Variants in XPR1 observed in about 807,000 individuals in gnomAD.
The protein encoded by XPR1 is xenotropic and polytropic retrovirus receptor 1, also known as solute carrier family 53 member 1.
XPR1 carries 28 observed loss-of-function variants against 87.5 expected under a neutral mutation model. The observed-to-expected ratio is 0.32, with a 90% CI of 0.24 to 0.44. The LOEUF is 0.44. XPR1 is among the 20% of genes least tolerant of loss of function. The probability of loss-of-function intolerance (pLI) is 1.00; values close to 1 mark genes in which losing one functional copy is unlikely to be tolerated. For synonymous variants in XPR1, 300 were observed against 306.1 expected, an observed-to-expected ratio of 0.98 and a Z score of 0.21; for missense variants, 559 against 862.3, an observed-to-expected ratio of 0.65 and a Z score of 4.41.
rs568754668 is a variant in XPR1 at position 180,885,928 on chromosome 1, T to G, written c.*1862T>G. 74 of 152,354 alleles carry G rather than the reference T, an allele frequency of 4.9e-4. No individual in the cohort carries two copies. Among genetic ancestry groups the G allele is most frequent in the Admixed American group, 1.2e-3 (18 of 15,300 alleles). 9.4% of individuals were successfully genotyped at this position (152,354 alleles called of 1,614,324 possible). ...CTTTTTAAAGTAGTTTCTTCCATCT[T>G]TATTCTGACTAGCTTCCAAAATGTG... On this transcript the variant is annotated 3_prime_UTR_variant, in exon 15 of 15. Transcript: ENST00000367590.
Position 180,817,757 on chromosome 1 carries a change from G to A in XPR1, c.763+6269G>A, listed in dbSNP as rs531488257. Among the ~76,000 whole-genome samples the A allele has an allele frequency of 2.0e-4, 31 of 152,180 alleles. No individual in the cohort carries two copies. In the South Asian group the frequency reaches 2.3e-3, roughly 11 times the overall value. On this transcript the variant is annotated intron_variant, in intron 7 of 14. Coordinates refer to ENST00000367590, the MANE Select transcript of XPR1 (RefSeq NM_004736.4). The stretch of plus-strand genomic sequence containing the variant: ...CATTTACATGGAGTTCAAAAAACAG[G>A]CAAAAATCAGGAGTTTACCCTTGGG...
intron 2 of XPR1, among the ~76,000 whole-genome samples, chr1:180,714,349 TTCTCTCTCTC>T (rs71121047): frequency 0.038 from 2,766 of 72,096 alleles, 65 homozygotes; most frequent in Middle Eastern, 0.092. Context: ...TTTTTCCCTG[TTCTCTCTCTC>T]TCTCTCTCTC....
At chr1:180,858,249 A>AC (rs1652100740) in intron 11 of XPR1, among the ~76,000 whole-genome samples, 1 of 152,138 alleles carries the variant, frequency 6.6e-6, no homozygotes, top group South Asian at 2.1e-4. Context: ...TAGCAAAATT[A>AC]AAGTCTTACT....
At chr1:180,747,580 TTAGA>T (rs1647307086) in intron 2 of XPR1, among the ~76,000 whole-genome samples, 1 of 152,200 alleles carries the variant, frequency 6.6e-6, no homozygotes, top group Non-Finnish European at 1.5e-5. Flanking sequence ...TGATTGGAAT[TTAGA>T]TAGTGAAGAT....
intron 2 of XPR1, among the ~76,000 whole-genome samples, chr1:180,727,674 C>G (rs1186120882): frequency 6.6e-6 from 1 of 152,074 alleles, no homozygotes; most frequent in Admixed American, 6.6e-5. Context: ...CAACAAAAAA[C>G]GAAAGAAAGT....
intron 1 of XPR1, among the ~76,000 whole-genome samples, chr1:180,660,417 G>T (rs1246135954): frequency 6.6e-6 from 1 of 151,660 alleles, no homozygotes; most frequent in East Asian, 1.9e-4. Context: ...TCTTGCTTTT[G>T]TAGTTCTTTA....
chr1:180,704,158 A>AAGAG (rs1657461276), intron 2 of XPR1, among the ~76,000 whole-genome samples: 1 of 146,756 alleles, frequency 6.8e-6, no homozygotes, highest in African/African-American at 2.5e-5. Flanking sequence ...ATTTACAGTA[A>AAGAG]ATTTGTAGTT....
Position 180,886,967 on chromosome 1 carries a change from T to G in XPR1, c.*2901T>G, listed in dbSNP as rs972489343. The G allele has an allele frequency of 6.6e-6, 1 of 152,170 alleles. No homozygotes were observed. The highest frequency in any genetic ancestry group is 6.5e-5 in the Admixed American group (1 of 15,282). 9.4% of individuals were successfully genotyped at this position (152,170 alleles called of 1,614,324 possible). A position where few individuals can be genotyped will look rare whatever the true frequency, so the allele number is the denominator to read the frequency against. On this transcript the variant is annotated 3_prime_UTR_variant, in exon 15 of 15. Coordinates refer to ENST00000367590, the MANE Select transcript of XPR1 (RefSeq NM_004736.4). ...GGTGGGCAGATCACGAGCTCAGGAG[T>G]TCGAGACCAGCCTGACCAACATGGT...
chr1:180,697,468 C>G (rs1056693485), intron 2 of XPR1, among the ~76,000 whole-genome samples: 2 of 151,434 alleles, frequency 1.3e-5, no homozygotes, highest in African/African-American at 4.8e-5. Context: ...CTGCTCTGAT[C>G]TTTATTATTG....
At chr1:180,868,597 A>T (rs1197036388) in intron 12 of XPR1, among the ~76,000 whole-genome samples, 29 of 128,508 alleles carry the variant, frequency 2.3e-4, no homozygotes, top group African/African-American at 8.9e-4. Flanking sequence ...GAGTTCACTC[A>T]TGATTTGGCT....
At chr1:180,800,180 G>C (rs1396376880) in intron 3 of XPR1, among the ~76,000 whole-genome samples, 4 of 152,198 alleles carry the variant, frequency 2.6e-5, no homozygotes, top group Non-Finnish European at 5.9e-5. Context: ...ATCATAGGAT[G>C]AATCTGTGGA....
intron 2 of XPR1, among the ~76,000 whole-genome samples, chr1:180,732,125 G>T (rs186297350): frequency 5.3e-5 from 8 of 151,342 alleles, no homozygotes; most frequent in Non-Finnish European, 1.2e-4. Context: ...CTCTGGAGGC[G>T]GAGGTTGCAG....
At chr1:180,723,168 G>T (rs1658230106) in intron 2 of XPR1, among the ~76,000 whole-genome samples, 1 of 152,132 alleles carries the variant, frequency 6.6e-6, no homozygotes. Context: ...GTCAAACCCT[G>T]TAGAAAATTG....
chr1:180,886,311 C>T lies in XPR1; in HGVS notation c.*2245C>T, dbSNP rs1653009206. ...GAAAAGTCCAGTGGACCAGGCATTT[C>T]TTATATAAATAAAATTGGTGGTACT... On this transcript the variant is annotated 3_prime_UTR_variant, in exon 15 of 15. Coordinates refer to ENST00000367590, the MANE Select transcript of XPR1 (RefSeq NM_004736.4). 6.6e-6 allele frequency: 1 copy of T among 152,162 alleles called. No homozygotes were observed. The highest frequency in any genetic ancestry group is 1.5e-5 in the Non-Finnish European group (1 of 68,028). The allele number at this position is 152,162 out of a possible 1,614,324, so 9.4% of individuals were successfully genotyped here.
chr1:180,733,085 T>A (rs1271141219), intron 2 of XPR1, among the ~76,000 whole-genome samples: 1 of 152,298 alleles, frequency 6.6e-6, no homozygotes, highest in East Asian at 1.9e-4. Context: ...GCCTGTGTGT[T>A]CCTTCACTGA....
intron 3 of XPR1, among the ~76,000 whole-genome samples, chr1:180,798,215 CAAA>C (rs1649657008): frequency 1.3e-5 from 2 of 151,630 alleles, no homozygotes; most frequent in Admixed American, 6.6e-5. Context: ...AAACCATAAA[CAAA>C]GAAGAAATCA....
intron 2 of XPR1, among the ~76,000 whole-genome samples, chr1:180,733,547 T>C (rs1215705673): frequency 6.6e-6 from 1 of 152,142 alleles, no homozygotes; most frequent in South Asian, 2.1e-4. Context: ...ATAAGAGATA[T>C]GAAGGAAGGG....
chr1:180,859,441 C>T (rs1259603110), intron 11 of XPR1, among the ~76,000 whole-genome samples: 1 of 152,120 alleles, frequency 6.6e-6, no homozygotes, highest in African/African-American at 2.4e-5. Flanking sequence ...TTCTGAATAT[C>T]ACTAAAGTGT....
chr1:180,833,119 G>T (rs1651132121), intron 9 of XPR1, among the ~76,000 whole-genome samples: 1 of 152,034 alleles, frequency 6.6e-6, no homozygotes, highest in African/African-American at 2.4e-5. Context: ...TCTCTTTGTA[G>T]CAATTGTGAA....
Sources: allele counts gnomAD v4.1 joint callset (sites outside exome capture counted in the v4.1 genomes callset), GRCh38; gene constraint gnomAD v4.1.1; transcripts MANE v1.5; gene names NCBI Gene and HGNC (gene_info 2026-07-23, HGNC 2026-07-21).